ATXN3: variants seen among roughly 807,000 people sequenced by gnomAD.
The protein encoded by ATXN3 is ataxin-3.
Under a neutral mutation model 58.2 loss-of-function variants are expected in ATXN3, and 28 were observed. The observed-to-expected ratio is 0.48, with a 90% CI of 0.36 to 0.66. ATXN3 has a LOEUF of 0.66. Among genes scored for constraint, ATXN3 ranks in the 30% least tolerant of loss-of-function variants. The pLI is 0.00. For synonymous variants in ATXN3, 113 were observed against 138.5 expected (o/e 0.82, Z 1.29); for missense variants, 321 against 422.1 (o/e 0.76, Z 2.10).
Position 92,059,068 on chromosome 14 carries a change from T to G in ATXN3, c.*5252A>C, listed in dbSNP as rs1347664724. 1 of 152,188 alleles carries G rather than the reference T, an allele frequency of 6.6e-6. No individual in the cohort carries two copies. The highest frequency in any genetic ancestry group is 1.5e-5 in the Non-Finnish European group (1 of 68,034). 9.4% of individuals were successfully genotyped at this position (152,188 alleles called of 1,614,324 possible). A position where few individuals can be genotyped will look rare whatever the true frequency, so the allele number is the denominator to read the frequency against. On this transcript the variant is annotated 3_prime_UTR_variant, in exon 11 of 11. Coordinates refer to ENST00000644486, the MANE Select transcript of ATXN3 (RefSeq NM_004993.6). ...TATTTTACTAATGTTTCTCATTGCT[T>G]TGTCTATGAATCCACAGGCTTAAAA... is the stretch of plus-strand genomic sequence containing the variant.
chr14:92,047,196 A>C (rs185253783), intron 2 of ATXN3, among the ~76,000 whole-genome samples: 83 of 152,290 alleles, frequency 5.5e-4, no homozygotes, highest in Non-Finnish European at 1.0e-3. Context: ...AGCATCTGTG[A>C]GATCAAGAAC....
intron 5 of ATXN3, among the ~76,000 whole-genome samples, chr14:92,089,574 G>T (rs1028806566): frequency 2.0e-5 from 3 of 149,518 alleles, no homozygotes; most frequent in Non-Finnish European, 4.5e-5. Flanking sequence ...TCTTGACCTT[G>T]TGATCCGCCC....
chr14:92,099,051 A>T (rs909688818), intron 1 of ATXN3, among the ~76,000 whole-genome samples: 1 of 152,198 alleles, frequency 6.6e-6, no homozygotes, highest in Non-Finnish European at 1.5e-5. Flanking sequence ...AGATGGATGG[A>T]TCCCTCCCTG....
At chr14:92,105,887 C>A (rs1358612785) in intron 1 of ATXN3, among the ~76,000 whole-genome samples, 2 of 152,188 alleles carry the variant, frequency 1.3e-5, no homozygotes, top group African/African-American at 4.8e-5. Flanking sequence ...CCCAAACATC[C>A]CGTAATAAAA....
chr14:92,068,270 TC>T (rs2058793651), intron 10 of ATXN3, among the ~76,000 whole-genome samples: 1 of 152,178 alleles, frequency 6.6e-6, no homozygotes, highest in African/African-American at 2.4e-5. Context: ...CCTTATGACT[TC>T]CAGGTTGGGG....
rs765788785 is a variant in ATXN3 at position 92,070,952 on chromosome 14, G to C, written c.974C>G (p.Ala325Gly). The part of the protein sequence containing the change: ...PCERPATSSG[A>G]LGSDLGDAMS... The stretch of plus-strand genomic sequence containing the variant: ...GGCCTTACCTAGATCACTCCCAAGT[G>C]CTCCTGAACTGGTGGCTGGCCTTTC... Residue 325 changes from alanine (A) to glycine (G), a missense_variant, in exon 10 of 11, where the codon GCA becomes GGA. Physicochemically the swap from Ala to Gly is moderately conservative, Grantham distance 60. Transcript: ENST00000644486. 5 of 1,543,706 alleles carry C rather than the reference G, an allele frequency of 3.2e-6. No homozygotes were observed. The East Asian group carries it at 1.3e-4, about 41-fold the overall frequency.
intron 2 of ATXN3, 119 bp from the exon 3 acceptor site, chr14:92,096,256 G>A: frequency 1.3e-6 from 2 of 1,589,820 alleles, no homozygotes; most frequent in Non-Finnish European, 1.7e-6. Context: ...AAAGTTAACA[G>A]CACAGTTATA....
At chr14:92,053,279 C>G (rs1319062884), upstream of ATXN3, among the ~76,000 whole-genome samples, 1 of 148,990 alleles carries the variant, frequency 6.7e-6, no homozygotes, top group African/African-American at 2.5e-5. Context: ...AGTAAATAAT[C>G]ATTTTCATAG....
At chr14:92,089,357 T>TC (rs1290290194) in intron 5 of ATXN3, among the ~76,000 whole-genome samples, 8 of 120,832 alleles carry the variant, frequency 6.6e-5, no homozygotes, top group African/African-American at 2.8e-4. Context: ...TTTTTTTTTT[T>TC]AGACAGAGTA....
At chr14:92,095,494 G>A (rs1260473155) in intron 3 of ATXN3, among the ~76,000 whole-genome samples, 11 of 262 alleles carry the variant, frequency 0.042, no homozygotes, top group South Asian at 0.25. Context: ...CGCCCACCTC[G>A]GCCTCCCCAA....
At chr14:92,094,971 G>A (rs1024223645) in intron 3 of ATXN3, among the ~76,000 whole-genome samples, 2 of 152,092 alleles carry the variant, frequency 1.3e-5, no homozygotes, top group African/African-American at 4.8e-5. Flanking sequence ...AGGTCGCTCA[G>A]GAGAGGTTCC....
intron 9 of ATXN3, among the ~76,000 whole-genome samples, chr14:92,076,939 CAAAAAAAAAAA>C (rs1157708694): frequency 3.3e-5 from 2 of 59,832 alleles, no homozygotes; most frequent in Admixed American, 2.1e-4. Context: ...GATTTCGTCT[CAAAAAAAAAAA>C]AAAAAAAAAG....
At chr14:92,065,614 GCTCACGC>G (rs1465341022) in intron 10 of ATXN3, among the ~76,000 whole-genome samples, 2 of 152,128 alleles carry the variant, frequency 1.3e-5, no homozygotes, top group Non-Finnish European at 2.9e-5. Flanking sequence ...GGGCACAGTG[GCTCACGC>G]CTGTAATCCC....
Position 92,079,390 on chromosome 14 carries a change from T to C in ATXN3, c.872+1575A>G, listed in dbSNP as rs1000942240. ...CATATAATTAGCCATTAATCTATACTGAATAAAGACTAGAAATATCTCACA... is the reference window on the plus strand; with the variant it reads ...CATATAATTAGCCATTAATCTATACCGAATAAAGACTAGAAATATCTCACA... On this transcript the variant is annotated intron_variant, in intron 9 of 10. Transcript: ENST00000644486. 18 of 934,040 alleles carry C rather than the reference T, an allele frequency of 1.9e-5. No homozygotes were observed. In the Admixed American group the frequency reaches 4.9e-4, roughly 26 times the overall value. 57.9% of individuals were successfully genotyped at this position (934,040 alleles called of 1,614,324 possible). A position where few individuals can be genotyped will look rare whatever the true frequency, so the allele number is the denominator to read the frequency against.
At chr14:92,100,533 TTAATTAACAA>T (rs981199911) in intron 1 of ATXN3, among the ~76,000 whole-genome samples, 1 of 151,866 alleles carries the variant, frequency 6.6e-6, no homozygotes, top group Non-Finnish European at 1.5e-5. Context: ...ACAACAGTAG[TTAATTAACAA>T]TAATTAACAG....
intron 10 of ATXN3, among the ~76,000 whole-genome samples, chr14:92,068,693 C>G (rs1283844944): frequency 6.6e-6 from 1 of 152,086 alleles, no homozygotes; most frequent in East Asian, 1.9e-4. Context: ...CGGGATCAAG[C>G]AATTCTCCTG....
intron 6 of ATXN3, among the ~76,000 whole-genome samples, chr14:92,086,200 G>C (rs1295458796): frequency 7.2e-6 from 1 of 139,810 alleles, no homozygotes; most frequent in Non-Finnish European, 1.5e-5. Context: ...TCGAGGCCAG[G>C]AATTCGAGAC....
At chr14:92,067,631 A>G (rs1264131085) in intron 10 of ATXN3, among the ~76,000 whole-genome samples, 1 of 152,188 alleles carries the variant, frequency 6.6e-6, no homozygotes, top group African/African-American at 2.4e-5. Flanking sequence ...TCCTGACCTT[A>G]AGTGTTTGGC....
At chr14:92,090,171 T>C (rs1595863258) in intron 5 of ATXN3, among the ~76,000 whole-genome samples, 1 of 152,204 alleles carries the variant, frequency 6.6e-6, no homozygotes, top group Non-Finnish European at 1.5e-5. Context: ...GGTGCAATCA[T>C]AGCTCACTGC....
Sources: allele counts gnomAD v4.1 joint callset (sites outside exome capture counted in the v4.1 genomes callset), GRCh38; gene constraint gnomAD v4.1.1; transcripts MANE v1.5; gene names NCBI Gene and HGNC (gene_info 2026-07-23, HGNC 2026-07-21).